USP47: variants seen among roughly 807,000 people sequenced by gnomAD.
The protein encoded by USP47 is ubiquitin carboxyl-terminal hydrolase 47.
A neutral mutation model predicts 165.1 loss-of-function variants in USP47; 35 were observed. The ratio of observed to expected loss-of-function variants is 0.21; its 90% CI spans 0.16 to 0.28. The LOEUF (loss-of-function observed/expected upper bound fraction) is 0.28, where lower values mean the gene tolerates loss of function less well. Ranked by LOEUF, USP47 falls within the 10% of genes least tolerant of loss-of-function variation. USP47 has a pLI of 1.00. For missense variants in USP47, 1,277 were observed against 1,607.4 expected (o/e 0.79, Z 3.52); for synonymous variants, 531 against 544.5 (o/e 0.98, Z 0.35).
chr11:11,866,165 T>C (rs1849666211), intron 1 of USP47, among the ~76,000 whole-genome samples: 1 of 152,200 alleles, frequency 6.6e-6, no homozygotes. Flanking sequence ...TAGGTCTTTA[T>C]CTATTTTTAG....
At chr11:11,904,734 C>A (rs566677741) in intron 7 of USP47, among the ~76,000 whole-genome samples, 1 of 152,110 alleles carries the variant, frequency 6.6e-6, no homozygotes, top group South Asian at 2.1e-4. Context: ...AGTTTGGGGA[C>A]TAGGTGAGAG....
intron 1 of USP47, among the ~76,000 whole-genome samples, chr11:11,868,872 G>A (rs11821574): frequency 1.3e-5 from 2 of 151,802 alleles, no homozygotes; most frequent in Non-Finnish European, 2.9e-5. Context: ...TTTATCTAAT[G>A]GTTAGTATGT....
At chr11:11,948,605 C>T (rs1856007468) in intron 22 of USP47, 47 bp downstream of exon 22, 6 of 1,482,680 alleles carry the variant, frequency 4.0e-6, no homozygotes, top group African/African-American at 1.4e-5. Flanking sequence ...TTTACAGTTA[C>T]TGAAAACATA....
At chr11:11,912,058 A>G (rs570688752) in intron 8 of USP47, among the ~76,000 whole-genome samples, 2 of 152,140 alleles carry the variant, frequency 1.3e-5, no homozygotes, top group South Asian at 4.2e-4. Context: ...AATTTTTTTG[A>G]GGCACAACTA....
chr11:11,953,541 A>G (rs1004899193), intron 25 of USP47, among the ~76,000 whole-genome samples: 7 of 152,066 alleles, frequency 4.6e-5, no homozygotes, highest in African/African-American at 1.7e-4. Flanking sequence ...GTAAAAACCT[A>G]TCCTCTGCAT....
Position 11,903,291 on chromosome 11 carries a change from A to T in USP47, c.768A>T (p.Leu256=). Residue 256 remains leucine, a synonymous_variant, in exon 7 of 28, where the codon CTA becomes CTT. Transcript: ENST00000527733. ...EAWQQHDVQE[L]CRVMFDALEQ... is the part of the protein sequence containing the mutation. Reference sequence around the variant, plus strand: ...GGCAGCAGCATGATGTACAAGAACTATGCAGAGTCATGTTTGATGCTTTGG... The same window carrying T: ...GGCAGCAGCATGATGTACAAGAACTTTGCAGAGTCATGTTTGATGCTTTGG... 6.2e-7 allele frequency: 1 copy of T among 1,612,830 alleles called. No individual in the cohort carries two copies. The highest frequency in any genetic ancestry group is 8.5e-7 in the Non-Finnish European group (1 of 1,179,248).
intron 7 of USP47, among the ~76,000 whole-genome samples, chr11:11,904,785 T>A (rs976679872): frequency 6.6e-6 from 1 of 152,138 alleles, no homozygotes; most frequent in Non-Finnish European, 1.5e-5. Flanking sequence ...AGAGGTGGAT[T>A]TTAAGATTTT....
chr11:11,861,867 CAT>C (rs1466633116), intron 1 of USP47, among the ~76,000 whole-genome samples: 1 of 152,064 alleles, frequency 6.6e-6, no homozygotes, highest in African/African-American at 2.4e-5. Context: ...TAATTTATAA[CAT>C]GTTTATTAAT....
intron 5 of USP47, 77 bp downstream of exon 5, chr11:11,897,770 T>A: frequency 4.7e-6 from 5 of 1,058,414 alleles, no homozygotes; most frequent in Non-Finnish European, 7.0e-6. Flanking sequence ...TTTATCTTCT[T>A]GCAGTTATTT....
chr11:11,957,131 TTC>T lies in USP47; in HGVS notation c.*960_*961del, dbSNP rs1156408960. 3 of 152,226 alleles carry T rather than the reference TTC, an allele frequency of 2.0e-5. No homozygotes were observed. The highest frequency in any genetic ancestry group is 1.3e-4 in the Admixed American group (2 of 15,292). The allele number at this position is 152,226 out of a possible 1,614,324, so 9.4% of individuals were successfully genotyped here. ...TCTCTGTTCAGCGGCTTCAATTTTT[TTC>T]TCTTTGTACATCTAGTTTTGAAGAT... On this transcript the variant is annotated 3_prime_UTR_variant, in exon 28 of 28. Transcript: ENST00000527733.
chr11:11,894,010 T>C (rs1851700914), intron 4 of USP47, among the ~76,000 whole-genome samples: 1 of 152,214 alleles, frequency 6.6e-6, no homozygotes, highest in Non-Finnish European at 1.5e-5. Context: ...TCAGTAGAAC[T>C]TTTTGTAGCA....
rs1322889553 is a variant in USP47 at position 11,905,525 on chromosome 11, T to G, written c.946T>G (p.Ser316Ala). 1.9e-6 allele frequency: 3 copies of G among 1,607,456 alleles called. No individual in the cohort carries two copies. The highest frequency in any genetic ancestry group is 2.6e-6 in the Non-Finnish European group (3 of 1,175,550). The stretch of plus-strand genomic sequence containing the variant: ...TCCATTGGTCATCCGACCTTATGGG[T>G]CCAGCCAAGCATTTGCTAGTGTGGT... ...DIPLVIRPYG[S>A]SQAFASVEEA... The change falls in exon 8 of 28, where the codon TCC becomes GCC. Residue 316 changes from serine to alanine, a missense_variant. By Grantham distance (99) the Ser-to-Ala change is moderately conservative. This residue lies in a region of USP47 where 175 missense variants were observed against 295.8 expected (regional missense o/e 0.59). Coordinates refer to ENST00000527733, the MANE Select transcript of USP47 (RefSeq NM_001282659.2).
chr11:11,922,102 G>A (rs577927064), intron 10 of USP47, among the ~76,000 whole-genome samples: 2 of 151,966 alleles, frequency 1.3e-5, no homozygotes, highest in East Asian at 3.9e-4. Flanking sequence ...GTTAAAGGGG[G>A]AAAGGATTGT....
intron 4 of USP47, among the ~76,000 whole-genome samples, chr11:11,896,104 T>A (rs1183046974): frequency 1.3e-5 from 2 of 152,182 alleles, no homozygotes; most frequent in Admixed American, 1.3e-4. Flanking sequence ...GACACAGTGT[T>A]CATTCTGTTT....
chr11:11,953,210 C>A (rs1338697332), intron 25 of USP47, among the ~76,000 whole-genome samples: 1 of 152,006 alleles, frequency 6.6e-6, no homozygotes, highest in African/African-American at 2.4e-5. Context: ...CTAAAAAAAA[C>A]CAAATGAAGT....
chr11:11,869,801 A>G (rs1414703106), intron 1 of USP47, among the ~76,000 whole-genome samples: 1 of 152,210 alleles, frequency 6.6e-6, no homozygotes, highest in Non-Finnish European at 1.5e-5. Context: ...ATGAATGGAC[A>G]GGAGTGGGTT....
chr11:11,953,304 A>G (rs1229269232), intron 25 of USP47, among the ~76,000 whole-genome samples: 2 of 152,228 alleles, frequency 1.3e-5, no homozygotes, highest in African/African-American at 4.8e-5. Flanking sequence ...AGGGTGAATT[A>G]GTCAATCTGT....
intron 25 of USP47, 23 bp from the exon 26 acceptor site, chr11:11,954,873 CA>C: frequency 6.2e-7 from 1 of 1,607,620 alleles, no homozygotes. Flanking sequence ...TAAATGAACT[CA>C]AATAAAATGT....
rs145041213 is a variant in USP47 at position 11,878,408 on chromosome 11, C to T, written c.40-1769C>T. Among the ~76,000 whole-genome samples the T allele has an allele frequency of 4.3e-3, 650 of 152,146 alleles. 9 individuals are homozygous for T. The highest frequency in any genetic ancestry group is 0.014 in the African/African-American group (601 of 41,524). On this transcript the variant is annotated intron_variant, in intron 1 of 27. Transcript: ENST00000527733. ...ATACTATTGAATCTATAAAAGTGTA[C>T]GTTTTGTAGTTGAAATTTATTTTGA...
Sources: allele counts gnomAD v4.1 joint callset (sites outside exome capture counted in the v4.1 genomes callset), GRCh38; gene constraint gnomAD v4.1.1; regional missense constraint gnomAD v4.1.1; transcripts MANE v1.5; gene names NCBI Gene and HGNC (gene_info 2026-07-23, HGNC 2026-07-21).